Variants in ABLIM3 observed in about 807,000 individuals in gnomAD.
ABLIM3 encodes actin binding LIM protein family member 3, also known as actin-binding LIM protein 3.
A neutral mutation model predicts 109.5 loss-of-function variants in ABLIM3; 61 were observed. The ratio of observed to expected loss-of-function variants is 0.56; its 90% CI spans 0.45 to 0.69. The LOEUF is 0.69. ABLIM3 is among the 30% of genes least tolerant of loss of function. The pLI, the probability that ABLIM3 is intolerant of heterozygous loss-of-function variation, is 0.00. For missense variants in ABLIM3, 796 were observed against 889.5 expected (o/e 0.89, Z 1.34); for synonymous variants, 300 against 324.8 (o/e 0.92, Z 0.82).
chr5:149,181,775 A>G (rs2127473390), intron 2 of ABLIM3, among the ~76,000 whole-genome samples: 1 of 152,354 alleles, frequency 6.6e-6, no homozygotes, highest in South Asian at 2.1e-4. Context: ...ACTTAATTTA[A>G]TTAAAGAGAA....
At chr5:149,256,085 G>T (rs1193477111) in intron 23 of ABLIM3, among the ~76,000 whole-genome samples, 1 of 152,226 alleles carries the variant, frequency 6.6e-6, no homozygotes, top group Non-Finnish European at 1.5e-5. Context: ...GCAAATGTCA[G>T]ATGGACAGTA....
chr5:149,180,186 T>C (rs2127471692), intron 2 of ABLIM3, among the ~76,000 whole-genome samples: 1 of 152,330 alleles, frequency 6.6e-6, no homozygotes. Flanking sequence ...TGTAAGTCAA[T>C]TTGGAATTCA....
rs111760535 is a variant in ABLIM3, at chr5:149,252,193, C to A, written c.1850-8C>A. ...ATTCTGTGTGTGTGTCTCTTTTTCT[C>A]TCTGCAGAGTACAAGGTAAAGGATG... On this transcript the variant is annotated splice_polypyrimidine_tract_variant and splice_region_variant and intron_variant, in intron 21 of 23. Transcript: ENST00000309868. 4.7e-4 allele frequency: 755 copies of A among 1,613,746 alleles called. 11 individuals are homozygous for A. The African/African-American group carries it at 7.8e-3, about 17-fold the overall frequency.
At chr5:149,175,971 A>C (rs1755890685) in intron 2 of ABLIM3, among the ~76,000 whole-genome samples, 1 of 152,210 alleles carries the variant, frequency 6.6e-6, no homozygotes, top group South Asian at 2.1e-4. Flanking sequence ...GAAGCTGCGG[A>C]GGAGTTTCTG....
intron 5 of ABLIM3, among the ~76,000 whole-genome samples, chr5:149,204,431 C>T (rs34461175): frequency 5.3e-5 from 8 of 151,842 alleles, no homozygotes; most frequent in Non-Finnish European, 7.4e-5. Flanking sequence ...AAGAAGAGGG[C>T]GAAAAGGTCC....
At chr5:149,187,595 C>T (rs1025950783) in intron 3 of ABLIM3, among the ~76,000 whole-genome samples, 3 of 151,736 alleles carry the variant, frequency 2.0e-5, no homozygotes, top group Non-Finnish European at 4.4e-5. Context: ...AGAATTAATA[C>T]GTTAGTATGT....
intron 21 of ABLIM3, 107 bp downstream of exon 21, chr5:149,251,526 G>T (rs1035494129): frequency 9.9e-6 from 13 of 1,311,746 alleles, no homozygotes; most frequent in East Asian, 5.0e-5. Flanking sequence ...CTGTCCCCAC[G>T]CTGGGCTGTG....
intron 2 of ABLIM3, among the ~76,000 whole-genome samples, chr5:149,172,009 G>C (rs1300697932): frequency 1.4e-5 from 2 of 147,046 alleles, no homozygotes; most frequent in African/African-American, 2.5e-5. Flanking sequence ...AGTTAGACTG[G>C]GGGACTGAAT....
chr5:149,224,585 G>A (rs1046193631), intron 8 of ABLIM3, among the ~76,000 whole-genome samples: 3 of 152,058 alleles, frequency 2.0e-5, no homozygotes, highest in East Asian at 1.9e-4. Flanking sequence ...CAGCCCCCTC[G>A]CTCACCCAGG....
In ABLIM3 at chr5:149,206,992, T is replaced by C; in HGVS notation, c.449-16T>C. The C allele has an allele frequency of 6.2e-7, 1 of 1,613,198 alleles. No homozygotes were observed. On this transcript the variant is annotated splice_polypyrimidine_tract_variant and intron_variant, in intron 5 of 23. Transcript: ENST00000309868. ...GCCCAGGGTGCTTTGCTCAGCAGTG[T>C]CCTCTTGTCTTGCAGACTGTGCCGG...
chr5:149,249,940 G>A, intron 19 of ABLIM3, 96 bp downstream of exon 19: 2 of 1,438,306 alleles, frequency 1.4e-6, no homozygotes, highest in East Asian at 2.3e-5. Context: ...ACCATACAAT[G>A]TGGATGTCCC....
At chr5:149,180,462 C>A (rs1285368509) in intron 2 of ABLIM3, among the ~76,000 whole-genome samples, 1 of 152,138 alleles carries the variant, frequency 6.6e-6, no homozygotes, top group Non-Finnish European at 1.5e-5. Flanking sequence ...AGGGCAGGAG[C>A]AGGGATGTGG....
Position 149,260,010 on chromosome 5 carries a change from T to C in ABLIM3, c.*1606T>C, listed in dbSNP as rs1039542788. On this transcript the variant is annotated 3_prime_UTR_variant, in exon 24 of 24. Transcript: ENST00000309868. ...TACCAATAGCGGGTATCGTAAGGCA[T>C]GTACCCAAACATAACGGATGTAAGG... 1.1e-5 allele frequency: 2 copies of C among 188,166 alleles called. No homozygotes were observed. The highest frequency in any genetic ancestry group is 4.7e-5 in the African/African-American group (2 of 42,654). The allele number at this position is 188,166 out of a possible 1,614,324, so 11.7% of individuals were successfully genotyped here. A position where few individuals can be genotyped will look rare whatever the true frequency, so the allele number is the denominator to read the frequency against.
At chr5:149,199,922 A>G (rs1458847340) in intron 4 of ABLIM3, among the ~76,000 whole-genome samples, 1 of 152,254 alleles carries the variant, frequency 6.6e-6, no homozygotes, top group Admixed American at 6.5e-5. Flanking sequence ...ATGCCTGAGT[A>G]GTAAAAGGAA....
At chr5:149,214,239 C>T (rs1037287852) in intron 7 of ABLIM3, among the ~76,000 whole-genome samples, 2 of 152,172 alleles carry the variant, frequency 1.3e-5, no homozygotes, top group African/African-American at 4.8e-5. Flanking sequence ...TAACAAAAAG[C>T]CCAGGAGCTG....
At chr5:149,188,391 A>G (rs1039328371) in intron 3 of ABLIM3, among the ~76,000 whole-genome samples, 1 of 152,258 alleles carries the variant, frequency 6.6e-6, no homozygotes, top group African/African-American at 2.4e-5. Context: ...TAAAATTGAG[A>G]AAACAGTTCC....
In ABLIM3 at chr5:149,247,859, C is replaced by A. The variant is rs751532877; in HGVS notation, c.1629C>A (p.Thr543=). 6.2e-7 allele frequency: 1 copy of A among 1,614,242 alleles called. No homozygotes were observed. Among genetic ancestry groups the A allele is most frequent in the South Asian group, 1.1e-5 (1 of 91,080 alleles). Reference sequence around the variant, plus strand: ...CGAGCTCCTATGCAGATCCCTGGACCCCTCCCCGGAGCTCCACCAGCAGCC... The same window carrying A: ...CGAGCTCCTATGCAGATCCCTGGACACCTCCCCGGAGCTCCACCAGCAGCC... The part of the protein sequence containing the change: ...ARSSSYADPW[T]PPRSSTSSRE... The change falls in exon 18 of 24, where the codon ACC becomes ACA. Residue 543 remains threonine (T), a synonymous_variant. Coordinates refer to ENST00000309868, the MANE Select transcript of ABLIM3 (RefSeq NM_014945.5).
At chr5:149,218,034 G>A (rs1760271095) in intron 8 of ABLIM3, 1 of 152,292 alleles carries the variant, frequency 6.6e-6, no homozygotes, top group African/African-American at 2.4e-5. Flanking sequence ...TAACGGGGTA[G>A]GAGGAGCCCC....
At chr5:149,171,628 T>A (rs1755442572) in intron 2 of ABLIM3, among the ~76,000 whole-genome samples, 1 of 152,224 alleles carries the variant, frequency 6.6e-6, no homozygotes, top group Non-Finnish European at 1.5e-5. Context: ...TTCTGCTTTC[T>A]GTGAAGGTTA....
Sources: allele counts gnomAD v4.1 joint callset (sites outside exome capture counted in the v4.1 genomes callset), GRCh38; gene constraint gnomAD v4.1.1; transcripts MANE v1.5; gene names NCBI Gene and HGNC (gene_info 2026-07-23, HGNC 2026-07-21).